Variants in GLIS3 observed in about 807,000 individuals in gnomAD.
GLIS3 encodes the protein GLIS family zinc finger 3, also known as zinc finger protein GLIS3.
A neutral mutation model predicts 78.6 loss-of-function variants in GLIS3; 53 were observed. The observed-to-expected ratio is 0.67, with a 90% CI of 0.54 to 0.85. GLIS3 has a LOEUF of 0.85. Ranked by LOEUF, GLIS3 falls within the 40% of genes least tolerant of loss-of-function variation. GLIS3 has a pLI of 0.00. For synonymous variants in GLIS3, 684 were observed against 509.9 expected (o/e 1.34, Z -4.60); for missense variants, 1,703 against 1,231.1 (o/e 1.38, Z -5.74).
chr9:4,383,467 A>T, the GLIS3 span, among the ~76,000 whole-genome samples: 1 of 152,220 alleles, frequency 6.6e-6, no homozygotes, highest in Non-Finnish European at 1.5e-5. Flanking sequence ...CAAAGATAAC[A>T]TAGAACTCTT....
At position 4,201,311 on chromosome 9, in the gene GLIS3, A is replaced by G. The variant is rs1586959531; in HGVS notation, c.389-75370T>C. 2.0e-5 allele frequency among the ~76,000 whole-genome samples: 3 copies of G among 152,290 alleles called. No homozygotes were observed. In the East Asian group the frequency reaches 5.8e-4, roughly 29 times the overall value. ...CCACTTTCACCAGTCTTAATCCAACATAGTACTGGAAGTCCTTACCAAACC... is the reference window on the plus strand; with the variant it reads ...CCACTTTCACCAGTCTTAATCCAACGTAGTACTGGAAGTCCTTACCAAACC... On this transcript the variant is annotated intron_variant, in intron 2 of 10. Coordinates refer to ENST00000381971, the MANE Select transcript of GLIS3 (RefSeq NM_001042413.2).
Position 3,953,551 on chromosome 9 carries a change from T to C in GLIS3, c.1711-16362A>G, listed in dbSNP as rs559760414. Among the ~76,000 whole-genome samples, 4 of 152,312 alleles carry C rather than the reference T, an allele frequency of 2.6e-5. No homozygotes were observed. In the South Asian group the frequency reaches 8.3e-4, roughly 32 times the overall value. On this transcript the variant is annotated intron_variant, in intron 4 of 10. Transcript: ENST00000381971. ...GTTTCTTCAAACAATGACACAGTAA[T>C]ATAGATGTTTTCTGCAGGCAATATC...
intron 4 of GLIS3, among the ~76,000 whole-genome samples, chr9:4,093,645 T>C (rs1054583158): frequency 1.3e-5 from 2 of 152,192 alleles, no homozygotes; most frequent in African/African-American, 4.8e-5. Context: ...GAAGACTGGA[T>C]ACTGGTCTTG....
intron 2 of GLIS3, among the ~76,000 whole-genome samples, chr9:4,261,131 C>G (rs1047295384): frequency 6.6e-6 from 1 of 152,184 alleles, no homozygotes; most frequent in African/African-American, 2.4e-5. Flanking sequence ...GACTGGGGAA[C>G]TGAGTCTTGA....
chr9:4,027,828 G>C (rs1823474145), intron 4 of GLIS3, among the ~76,000 whole-genome samples: 1 of 152,126 alleles, frequency 6.6e-6, no homozygotes, highest in Admixed American at 6.6e-5. Flanking sequence ...CAGCCCCGGC[G>C]GAACCCTCGT....
the GLIS3 span, among the ~76,000 whole-genome samples, chr9:4,484,615 C>T: frequency 1.3e-5 from 2 of 151,738 alleles, no homozygotes. Context: ...ACAGGTTTCA[C>T]CATGTTGGCC....
chr9:3,958,930 T>C (rs1026150050), intron 4 of GLIS3, among the ~76,000 whole-genome samples: 2 of 152,192 alleles, frequency 1.3e-5, no homozygotes, highest in Admixed American at 1.3e-4. Context: ...TTCTTGCTGG[T>C]TAACTATGAG....
the GLIS3 span, among the ~76,000 whole-genome samples, chr9:4,436,194 G>A: frequency 3.3e-5 from 5 of 152,102 alleles, no homozygotes; most frequent in African/African-American, 1.2e-4. Context: ...ACAAAGCTTT[G>A]TAGTAAAAAA....
chr9:3,988,123 C>T (rs747195871), intron 4 of GLIS3, among the ~76,000 whole-genome samples: 16 of 151,826 alleles, frequency 1.1e-4, no homozygotes, highest in South Asian at 2.1e-4. Flanking sequence ...CAGAATCAAG[C>T]GGTTTCAAGT....
chr9:3,840,850 C>T (rs891104876), intron 9 of GLIS3, among the ~76,000 whole-genome samples: 34 of 152,328 alleles, frequency 2.2e-4, no homozygotes, highest in African/African-American at 6.7e-4. Flanking sequence ...ACTTTCTCCA[C>T]TTGTGCCCCT....
At chr9:4,032,227 G>A (rs1005621605) in intron 4 of GLIS3, among the ~76,000 whole-genome samples, 3 of 152,144 alleles carry the variant, frequency 2.0e-5, no homozygotes, top group Admixed American at 6.5e-5. Context: ...CAAAAGTGCA[G>A]GTGAACATTT....
chr9:4,408,451 C>T, the GLIS3 span, among the ~76,000 whole-genome samples: 7 of 150,968 alleles, frequency 4.6e-5, no homozygotes, highest in Admixed American at 2.0e-4. Context: ...AAAAATAGGC[C>T]GGGCACCTTG....
At chr9:4,298,280 C>A in intron 1 of GLIS3, 1 of 441,746 alleles carries the variant, frequency 2.3e-6, no homozygotes, top group Non-Finnish European at 4.5e-6. Context: ...GTGTCCTCAC[C>A]CTGTGGTTTC....
intron 4 of GLIS3, among the ~76,000 whole-genome samples, chr9:3,987,950 C>T (rs12006530): frequency 1.9e-3 from 292 of 151,972 alleles, no homozygotes; most frequent in African/African-American, 6.6e-3. Flanking sequence ...AACATCAATT[C>T]AATGACAGCA....
At chr9:4,183,509 G>T (rs1817512202) in intron 2 of GLIS3, among the ~76,000 whole-genome samples, 1 of 152,106 alleles carries the variant, frequency 6.6e-6, no homozygotes, top group African/African-American at 2.4e-5. Flanking sequence ...AGGAAGCAGC[G>T]ATCCTGAAAG....
At chr9:4,443,666 T>C in the GLIS3 span, among the ~76,000 whole-genome samples, 120 of 152,304 alleles carry the variant, frequency 7.9e-4, no homozygotes, top group African/African-American at 2.7e-3. Context: ...AGAAATCACT[T>C]GCAATGCATG....
chr9:4,134,639 A>G (rs1833258314), intron 2 of GLIS3, among the ~76,000 whole-genome samples: 1 of 152,226 alleles, frequency 6.6e-6, no homozygotes, highest in Middle Eastern at 3.2e-3. Context: ...TGTCATGATT[A>G]TGTTACGGAA....
At position 4,195,090 on chromosome 9, in the gene GLIS3, A is replaced by G. The variant is rs888350149; in HGVS notation, c.389-69149T>C. Among the ~76,000 whole-genome samples, 6 of 152,354 alleles carry G rather than the reference A, an allele frequency of 3.9e-5. No homozygotes were observed. In the East Asian group the frequency reaches 5.8e-4, roughly 15 times the overall value. ...TAGGGCTAGAACTGTGCTCTCCCCA[A>G]CTGCAAGCCAGGGGCAGGAGAAGAG... On this transcript the variant is annotated intron_variant, in intron 2 of 10. Coordinates refer to ENST00000381971, the MANE Select transcript of GLIS3 (RefSeq NM_001042413.2).
intron 4 of GLIS3, among the ~76,000 whole-genome samples, chr9:3,968,828 T>G (rs1818156646): frequency 6.6e-6 from 1 of 152,232 alleles, no homozygotes; most frequent in East Asian, 1.9e-4. Flanking sequence ...AAGTCTGAAT[T>G]ACCAAATACA....
Sources: allele counts gnomAD v4.1 joint callset (sites outside exome capture counted in the v4.1 genomes callset), GRCh38; gene constraint gnomAD v4.1.1; transcripts MANE v1.5; gene names NCBI Gene and HGNC (gene_info 2026-07-23, HGNC 2026-07-21).